Variants in NPY5R observed in about 807,000 individuals in gnomAD.
NPY5R encodes neuropeptide Y receptor Y5, also known as neuropeptide Y receptor type 5.
NPY5R carries 21 observed loss-of-function variants against 24.8 expected under a neutral mutation model. The ratio of observed to expected loss-of-function variants is 0.85; its 90% confidence interval spans 0.60 to 1.22. NPY5R has a LOEUF of 1.22. Among genes scored for constraint, NPY5R ranks in the 50% most tolerant of loss-of-function variants. The pLI, the probability that NPY5R is intolerant of heterozygous loss-of-function variation, is 0.00. For synonymous variants in NPY5R, 175 were observed against 183.0 expected, an observed-to-expected ratio of 0.96 and a Z score of 0.35; for missense variants, 481 against 521.3, an observed-to-expected ratio of 0.92 and a Z score of 0.75.
In NPY5R at chr4:163,350,737, A is replaced by G. The variant is rs779493820; in HGVS notation, c.464A>G (p.His155Arg). 1.3e-5 allele frequency: 21 copies of G among 1,614,188 alleles called. No individual in the cohort carries two copies. In the Middle Eastern group the frequency reaches 4.9e-4, roughly 38 times the overall value. ...HPISNNLTAN[H>R]GYFLIATVWT... ...ATATCTAATAATTTAACAGCAAACC[A>G]TGGCTACTTTCTGATAGCTACTGTC... The change falls in exon 4 of 4, where the codon CAT becomes CGT. Residue 155 changes from histidine (H) to arginine (R), a missense_variant. By Grantham distance (29) the His-to-Arg change is conservative. Coordinates refer to ENST00000338566, the MANE Select transcript of NPY5R (RefSeq NM_006174.4).
intron 2 of NPY5R, among the ~76,000 whole-genome samples, chr4:163,346,973 G>C (rs948545492): frequency 2.6e-5 from 4 of 151,912 alleles, no homozygotes; most frequent in Admixed American, 1.3e-4. Flanking sequence ...TAATTTCAAT[G>C]GTTCTCTATA....
At chr4:163,347,226 G>T (rs1465919357) in intron 2 of NPY5R, among the ~76,000 whole-genome samples, 2 of 152,044 alleles carry the variant, frequency 1.3e-5, no homozygotes, top group Non-Finnish European at 2.9e-5. Flanking sequence ...ATCTCCATTC[G>T]AATATAATAG....
intron 2 of NPY5R, among the ~76,000 whole-genome samples, chr4:163,346,452 GA>G (rs1735256815): frequency 6.6e-6 from 1 of 152,132 alleles, no homozygotes; most frequent in South Asian, 2.1e-4. Context: ...GAGCAGAGCA[GA>G]GCACCTAGCA....
Position 163,351,314 on chromosome 4 carries a change from T to C in NPY5R, c.1041T>C (p.Val347=), listed in dbSNP as rs978448416. Residue 347 remains valine (V), a synonymous_variant, in exon 4 of 4, where the codon GTT becomes GTC. Transcript: ENST00000338566. Reference sequence around the variant, plus strand: ...TAAAACCTGAAGAAAATTCAGATGTTCATGAATTGAGAGTAAAACGTTCTG... The same window carrying C: ...TAAAACCTGAAGAAAATTCAGATGTCCATGAATTGAGAGTAAAACGTTCTG... ...FEIKPEENSD[V]HELRVKRSVT... is the part of the protein sequence containing the mutation. 1.9e-6 allele frequency: 3 copies of C among 1,613,166 alleles called. No individual in the cohort carries two copies. Among genetic ancestry groups the C allele is most frequent in the Non-Finnish European group, 2.5e-6 (3 of 1,179,140 alleles).
At chr4:163,346,475 CAATA>C (rs1298352789) in intron 2 of NPY5R, among the ~76,000 whole-genome samples, 2 of 152,128 alleles carry the variant, frequency 1.3e-5, no homozygotes, top group African/African-American at 4.8e-5. Flanking sequence ...AATATATGTT[CAATA>C]AATACTTTTT....
Position 163,351,309 on chromosome 4 carries a change from G to A in NPY5R, c.1036G>A (p.Asp346Asn), listed in dbSNP as rs1408874008. ...CFEIKPEENSDVHELRVKRSV... is the reference protein window; with the variant it reads ...CFEIKPEENSNVHELRVKRSV... ...TGAGATAAAACCTGAAGAAAATTCA[G>A]ATGTTCATGAATTGAGAGTAAAACG... The change falls in exon 4 of 4, where the codon GAT becomes AAT. Residue 346 changes from aspartate (D) to asparagine (N), a missense_variant. Transcript: ENST00000338566. 6.2e-7 allele frequency: 1 copy of A among 1,613,076 alleles called. No individual in the cohort carries two copies. The highest frequency in any genetic ancestry group is 8.5e-7 in the Non-Finnish European group (1 of 1,179,098).
At chr4:163,352,286 CATT>C (rs1268037640), downstream of NPY5R, among the ~76,000 whole-genome samples, 1 of 152,120 alleles carries the variant, frequency 6.6e-6, no homozygotes, top group African/African-American at 2.4e-5. Context: ...TTTCCAGACT[CATT>C]ATACAACATT....
rs566421193 is a variant in NPY5R at position 163,344,012 on chromosome 4, C to G, written c.-121+12C>G. On this transcript the variant is annotated intron_variant, in intron 1 of 3. Coordinates refer to ENST00000338566, the MANE Select transcript of NPY5R (RefSeq NM_006174.4). ...CGGGGCGCCCCGAGGTACGGGCTCC[C>G]GCCCCTCCCTGCCAACCCCTTTCGC... 2 of 152,514 alleles carry G rather than the reference C, an allele frequency of 1.3e-5. No homozygotes were observed. Among genetic ancestry groups the G allele is most frequent in the African/African-American group, 4.8e-5 (2 of 41,428 alleles). The allele number at this position is 152,514 out of a possible 1,614,324, so 9.4% of individuals were successfully genotyped here.
In NPY5R at chr4:163,349,387, T is replaced by C. The variant is rs535839073; in HGVS notation, c.-9-878T>C. The C allele has an allele frequency of 2.8e-5, 22 of 781,974 alleles. No homozygotes were observed. In the East Asian group the frequency reaches 1.9e-3, roughly 67 times the overall value. 48.4% of individuals were successfully genotyped at this position (781,974 alleles called of 1,614,324 possible). A position where few individuals can be genotyped will look rare whatever the true frequency, so the allele number is the denominator to read the frequency against. On this transcript the variant is annotated intron_variant, in intron 3 of 3. Transcript: ENST00000338566. Reference sequence around the variant, plus strand: ...TTCCATTGCTTGTAAATAAACAAGGTAGATGGGTAGGCATTATAATGCAAT... The same window carrying C: ...TTCCATTGCTTGTAAATAAACAAGGCAGATGGGTAGGCATTATAATGCAAT...
chr4:163,347,044 C>T (rs541016726), intron 2 of NPY5R, among the ~76,000 whole-genome samples: 3 of 152,266 alleles, frequency 2.0e-5, no homozygotes, highest in Admixed American at 2.0e-4. Flanking sequence ...TATAGTCATA[C>T]TCTATCCTGA....
chr4:163,350,107 A>T (rs1335997180), intron 3 of NPY5R, 158 bp from the exon 4 acceptor site: 2 of 218,062 alleles, frequency 9.2e-6, no homozygotes, highest in Non-Finnish European at 1.7e-5. Context: ...CCGTCTCAAA[A>T]AAAAAAAAAA....
chr4:163,343,968 G>A lies in NPY5R; in HGVS notation c.-153G>A, dbSNP rs922147865. 1.3e-5 allele frequency: 2 copies of A among 152,486 alleles called. No homozygotes were observed. The highest frequency in any genetic ancestry group is 2.9e-5 in the Non-Finnish European group (2 of 68,304). The allele number at this position is 152,486 out of a possible 1,614,324, so 9.4% of individuals were successfully genotyped here. A position where few individuals can be genotyped will look rare whatever the true frequency, so the allele number is the denominator to read the frequency against. On this transcript the variant is annotated 5_prime_UTR_variant, in exon 1 of 4. Coordinates refer to ENST00000338566, the MANE Select transcript of NPY5R (RefSeq NM_006174.4). ...ATCGCGCTGGGCCGCGCTCCCGGGA[G>A]CCCAGGGCCTGCAGCGGCCGGGGCG...
Position 163,351,613 on chromosome 4 carries a change from A to G in NPY5R, c.*2A>G, listed in dbSNP as rs762288514. The G allele has an allele frequency of 6.3e-7, 1 of 1,585,380 alleles. No homozygotes were observed. Among genetic ancestry groups the G allele is most frequent in the East Asian group, 2.2e-5 (1 of 44,496 alleles). On this transcript the variant is annotated 3_prime_UTR_variant, in exon 4 of 4. Coordinates refer to ENST00000338566, the MANE Select transcript of NPY5R (RefSeq NM_006174.4). ...CTTATACACTGTCTTCATATGTAAT[A>G]ATTCTCACTGTTTACCAAGGAAAGA...
intron 1 of NPY5R, chr4:163,344,315 CA>C (rs1179708275): frequency 5.9e-5 from 9 of 152,520 alleles, no homozygotes; most frequent in African/African-American, 2.2e-4. Flanking sequence ...CCGGGTGGAG[CA>C]GGCGCGGGCC....
At position 163,350,438 on chromosome 4, in the gene NPY5R, C is replaced by A. The variant is rs79555174; in HGVS notation, c.165C>A (p.Gly55=). Residue 55 remains glycine (G), a synonymous_variant, in exon 4 of 4, where the codon GGC becomes GGA. Transcript: ENST00000338566. ...TCTATACATTTGTAAGTCTTCTTGG[C>A]TTTATGGGGAATCTACTTATTTTAA... ...IGLYTFVSLL[G]FMGNLLILMA... 1.1e-5 allele frequency: 18 copies of A among 1,613,738 alleles called. No individual in the cohort carries two copies. The South Asian group carries it at 1.8e-4, about 16-fold the overall frequency.
At chr4:163,347,319 C>T (rs1200780335) in intron 2 of NPY5R, 133 bp from the exon 3 acceptor site, 2 of 152,196 alleles carry the variant, frequency 1.3e-5, no homozygotes, top group African/African-American at 2.4e-5. Context: ...AATTGTGCTG[C>T]ATCTTCTCTT....
chr4:163,346,945 G>T (rs1393407273), intron 2 of NPY5R, among the ~76,000 whole-genome samples: 1 of 151,798 alleles, frequency 6.6e-6, no homozygotes, highest in African/African-American at 2.4e-5. Flanking sequence ...TGCATTTTGG[G>T]GCCATTTGAA....
Position 163,351,104 on chromosome 4 carries a change from G to C in NPY5R, c.831G>C (p.Trp277Cys), listed in dbSNP as rs763961294. 1.2e-6 allele frequency: 2 copies of C among 1,613,946 alleles called. No individual in the cohort carries two copies. The highest frequency in any genetic ancestry group is 1.7e-5 in the Admixed American group (1 of 59,988). The change falls in exon 4 of 4, where the codon TGG becomes TGC. Residue 277 changes from tryptophan (W) to cysteine (C), a missense_variant. Physicochemically the swap from Trp to Cys is radical, Grantham distance 215. Transcript: ENST00000338566. Reference sequence around the variant, plus strand: ...TGAAACTCTCTGGCAGCCATAAATGGAGTTATTCATTCATCAAAAAACACA... The same window carrying C: ...TGAAACTCTCTGGCAGCCATAAATGCAGTTATTCATTCATCAAAAAACACA... ...PQVKLSGSHK[W>C]SYSFIKKHRR...
At chr4:163,348,211 G>A (rs972662574) in intron 3 of NPY5R, among the ~76,000 whole-genome samples, 1 of 152,102 alleles carries the variant, frequency 6.6e-6, no homozygotes, top group African/African-American at 2.4e-5. Flanking sequence ...AACATATATT[G>A]ATAGGTAACA....
Sources: gnomAD v4.1 joint callset for allele counts (sites outside exome capture counted in the v4.1 genomes callset) on GRCh38, gnomAD v4.1.1 for gene constraint, MANE v1.5 for transcripts, NCBI Gene and HGNC (gene_info 2026-07-23, HGNC 2026-07-21) for gene names.